Variants in GTPBP6 observed in about 807,000 individuals in gnomAD.
GTPBP6 encodes GTP binding protein 6.
GTPBP6 carries 33 observed loss-of-function variants against 28.9 expected under a neutral mutation model. The ratio of observed to expected loss-of-function variants is 1.14; its 90% CI spans 0.87 to 1.53. GTPBP6 has a LOEUF of 1.53. Ranked by LOEUF, GTPBP6 falls within the 40% of genes most tolerant of loss-of-function variation. GTPBP6 has a pLI of 0.00. For missense variants in GTPBP6, 507 were observed against 408.3 expected (o/e 1.24, Z -2.08); for synonymous variants, 231 against 192.7 (o/e 1.20, Z -1.65).
At chrX:315,535 C>T (rs1235113630) in intron 2 of GTPBP6, among the ~76,000 whole-genome samples, 15 of 150,358 alleles carry the variant, frequency 1.0e-4, no homozygotes, top group Non-Finnish European at 1.8e-4. Context: ...GGCAGGGACA[C>T]AAACACATAC....
intron 9 of GTPBP6, among the ~76,000 whole-genome samples, chrX:305,531 C>T (rs1426428439): frequency 2.0e-5 from 3 of 150,988 alleles, no homozygotes; most frequent in Non-Finnish European, 4.4e-5. Context: ...CCGTGTTAGC[C>T]AGGATGGTCT....
At chrX:305,367 G>GC (rs1165552293) in intron 9 of GTPBP6, among the ~76,000 whole-genome samples, 170 bp from the exon 10 acceptor site, 1 of 149,046 alleles carries the variant, frequency 6.7e-6, no homozygotes, top group African/African-American at 2.6e-5. Flanking sequence ...TGTCGCGTAG[G>GC]CTGGAGTGCA....
rs1378175037 is a variant in GTPBP6 at position 310,993 on chromosome X, G to GTGT, written c.1125+423_1125+425dup. Among the ~76,000 whole-genome samples the GTGT allele has an allele frequency of 5.3e-5, 8 of 152,204 alleles. No homozygotes were observed. The East Asian group carries it at 1.4e-3, about 26-fold the overall frequency. ...CAGGTGCACCCGGGAACACGCTTAT[G>GTGT]TGTTCAGGCACATAAGCCGGGAGAG... On this transcript the variant is annotated intron_variant, in intron 7 of 9. Coordinates refer to ENST00000326153, the Ensembl canonical transcript of GTPBP6.
At chrX:312,066 A>T in intron 6 of GTPBP6, 3 of 452,732 alleles carry the variant, frequency 6.6e-6, no homozygotes, top group Non-Finnish European at 1.3e-5. Flanking sequence ...AGGATGGTGT[A>T]GACAGAGGAG....
intron 8 of GTPBP6, 62 bp from the exon 9 acceptor site, chrX:307,574 T>TC (rs2070198751): frequency 6.4e-7 from 1 of 1,552,000 alleles, no homozygotes; most frequent in Non-Finnish European, 8.8e-7. Flanking sequence ...GAAATCAGGG[T>TC]CCCCAGGAGT....
At chrX:305,580 C>T (rs1314710105) in intron 9 of GTPBP6, among the ~76,000 whole-genome samples, 1 of 149,754 alleles carries the variant, frequency 6.7e-6, no homozygotes. Flanking sequence ...CTCGGCCTCC[C>T]AAAGTGCTGG....
intron 7 of GTPBP6, among the ~76,000 whole-genome samples, chrX:310,837 C>G (rs2070271616): frequency 6.6e-6 from 1 of 151,952 alleles, no homozygotes; most frequent in Non-Finnish European, 1.5e-5. Context: ...GTGACAGCCT[C>G]AGGACCCCAC....
At chrX:318,383 C>T (rs1350834591) in intron 1 of GTPBP6, 56 bp downstream of exon 1, 3 of 397,262 alleles carry the variant, frequency 7.6e-6, no homozygotes, top group Admixed American at 4.4e-5. Context: ...CCCCTCAGAG[C>T]CCCGCCCCCA....
At chrX:308,551 G>A (rs372278044) in intron 7 of GTPBP6, among the ~76,000 whole-genome samples, 34 of 152,066 alleles carry the variant, frequency 2.2e-4, no homozygotes, top group African/African-American at 7.0e-4. Context: ...CTGGTTGTGC[G>A]TGTCTGTGGT....
At position 307,563 on chromosome X, in the gene GTPBP6, C is replaced by T. The variant is rs754832295; in HGVS notation, c.1275-51G>A. ...CCCGCTCAGCGTCGGGGCGGCCGGA[C>T]GAAATCAGGGTCCCCAGGAGTCCAC... is the stretch of plus-strand genomic sequence containing the variant. On this transcript the variant is annotated intron_variant, in intron 8 of 9. Transcript: ENST00000326153. The T allele has an allele frequency of 4.9e-5, 77 of 1,586,982 alleles. No homozygotes were observed. In the African/African-American group the frequency reaches 5.1e-4, roughly 11 times the overall value.
At chrX:318,021 AC>A (rs2070472683) in intron 1 of GTPBP6, among the ~76,000 whole-genome samples, 1 of 112,024 alleles carries the variant, frequency 8.9e-6, no homozygotes, top group Admixed American at 8.8e-5. Flanking sequence ...GGCATCTCCA[AC>A]CATCAGACCC....
In GTPBP6 at chrX:309,164, T is replaced by C. The variant is rs189219187; in HGVS notation, c.1126-1284A>G. 2.0e-5 allele frequency among the ~76,000 whole-genome samples: 3 copies of C among 152,312 alleles called. No homozygotes were observed. The East Asian group carries it at 5.8e-4, about 29-fold the overall frequency. ...TCCCTCAGGGCAAAAAACAAAGCCG[T>C]AGCCTGAATGTGACAATCTCACACC... On this transcript the variant is annotated intron_variant, in intron 7 of 9. Transcript: ENST00000326153.
exon 1 of GTPBP6, chrX:318,545 C>A (rs1293996400): frequency 3.0e-5 from 12 of 398,408 alleles, no homozygotes; most frequent in Non-Finnish European, 4.4e-5. Context: ...GCAGCTCCTC[C>A]TCGGCGTTCT....
rs765047861 is a variant in GTPBP6, at chrX:307,870, A to G, written c.1136T>C (p.Leu379Ser). 3.3e-6 allele frequency: 5 copies of G among 1,530,442 alleles called. No individual in the cohort carries two copies. In the African/African-American group the frequency reaches 7.0e-5, roughly 21 times the overall value. The allele number at this position is 1,530,442 out of a possible 1,614,324, so 94.8% of individuals were successfully genotyped here. Residue 379 changes from leucine (L) to serine (S), a missense_variant, in exon 8 of 10, where the codon TTG (leucine) becomes TCG (serine). By Grantham distance (145) the Leu-to-Ser change is moderately radical. Coordinates refer to ENST00000326153, the Ensembl canonical transcript of GTPBP6. ...GGGGTGGCTGACGTCCCTCACGTGC[A>G]AGATGAGATCCTGTGGGCCGGGCCG...
At chrX:313,406 C>CA in intron 5 of GTPBP6, among the ~76,000 whole-genome samples, 1 of 152,174 alleles carries the variant, frequency 6.6e-6, no homozygotes, top group South Asian at 2.1e-4. Context: ...GACGAGGCCA[C>CA]AAGCCTGGGA....
chrX:307,485 C>T, exon 9 of GTPBP6: 1 of 1,611,360 alleles, frequency 6.2e-7, no homozygotes, highest in Non-Finnish European at 8.5e-7. Flanking sequence ...CAGACACGGG[C>T]ACGACGTTCG....
intron 7 of GTPBP6, among the ~76,000 whole-genome samples, chrX:310,942 G>C (rs765660983): frequency 7.5e-6 from 1 of 133,730 alleles, no homozygotes; most frequent in Non-Finnish European, 1.6e-5. Context: ...CGGTCACTCT[G>C]TCTGTCAGGG....
At chrX:312,564 G>A (rs1012848979) in intron 6 of GTPBP6, 3 of 707,878 alleles carry the variant, frequency 4.2e-6, no homozygotes, top group African/African-American at 1.7e-5. Context: ...GAGACCACAG[G>A]AAACCCGTCT....
At chrX:318,718 G>C in exon 1 of GTPBP6, 1 of 356,894 alleles carries the variant, frequency 2.8e-6, no homozygotes, top group Non-Finnish European at 5.0e-6. Context: ...GCTGCCCGCG[G>C]AGCCGAGCGG....
Sources: gnomAD v4.1 joint callset for allele counts (sites outside exome capture counted in the v4.1 genomes callset) on GRCh38, gnomAD v4.1.1 for gene constraint, MANE v1.5 for transcripts, NCBI Gene and HGNC (gene_info 2026-07-23, HGNC 2026-07-21) for gene names.